RAB38: variants seen among roughly 807,000 people sequenced by gnomAD.
RAB38 encodes RAB38, member RAS oncogene family.
A neutral mutation model predicts 18.4 loss-of-function variants in RAB38; 15 were observed. That is an observed-to-expected ratio of 0.82 (90% confidence interval 0.55 to 1.26). The LOEUF (loss-of-function observed/expected upper bound fraction) is 1.26, where lower values mean the gene tolerates loss of function less well. Ranked by LOEUF, RAB38 falls within the 50% of genes most tolerant of loss-of-function variation. The probability of loss-of-function intolerance (pLI) is 0.00; values close to 1 mark genes in which losing one functional copy is unlikely to be tolerated. For synonymous variants in RAB38, 101 were observed against 104.4 expected (o/e 0.97, Z 0.20); for missense variants, 294 against 267.4 (o/e 1.10, Z -0.69).
chr11:87,908,553 G>A, the RAB38 span, among the ~76,000 whole-genome samples: 1 of 151,984 alleles, frequency 6.6e-6, no homozygotes, highest in African/African-American at 2.4e-5. Flanking sequence ...ATTAATCACA[G>A]TCTAATTTTT....
downstream of RAB38, among the ~76,000 whole-genome samples, chr11:88,110,383 G>C (rs1198761551): frequency 2.0e-5 from 3 of 152,004 alleles, no homozygotes; most frequent in African/African-American, 7.3e-5. Context: ...AGGGTGGGGG[G>C]CCAGGGAAGG....
the RAB38 span, among the ~76,000 whole-genome samples, chr11:88,056,443 T>C: frequency 6.6e-6 from 1 of 152,228 alleles, no homozygotes; most frequent in Non-Finnish European, 1.5e-5. Flanking sequence ...CAGGGAAGTC[T>C]TCGGGAACTA....
chr11:87,856,298 A>T, the RAB38 span, among the ~76,000 whole-genome samples: 1 of 152,066 alleles, frequency 6.6e-6, no homozygotes, highest in Non-Finnish European at 1.5e-5. Flanking sequence ...TACTCTCTTC[A>T]TACACTCTTA....
chr11:88,051,287 G>T, the RAB38 span, among the ~76,000 whole-genome samples: 1 of 152,010 alleles, frequency 6.6e-6, no homozygotes, highest in Non-Finnish European at 1.5e-5. Context: ...AGGATAAAAA[G>T]TAGCTGAGAA....
At chr11:87,908,568 A>G in the RAB38 span, among the ~76,000 whole-genome samples, 2 of 152,010 alleles carry the variant, frequency 1.3e-5, no homozygotes, top group African/African-American at 4.8e-5. Context: ...ATTTTTCCCA[A>G]GTGGTAGAAC....
the RAB38 span, among the ~76,000 whole-genome samples, chr11:88,029,179 T>C: frequency 6.6e-6 from 1 of 152,034 alleles, no homozygotes; most frequent in East Asian, 1.9e-4. Flanking sequence ...AAGCAAATGC[T>C]GAGAGATTTT....
chr11:88,155,291 G>A (rs917487851), intron 1 of RAB38, among the ~76,000 whole-genome samples: 2 of 152,200 alleles, frequency 1.3e-5, no homozygotes, highest in African/African-American at 4.8e-5. Flanking sequence ...AGGCAACAGA[G>A]AGCTTCCGCC....
chr11:88,121,292 G>T (rs1942625259), intron 2 of RAB38, among the ~76,000 whole-genome samples: 1 of 152,160 alleles, frequency 6.6e-6, no homozygotes, highest in Non-Finnish European at 1.5e-5. Context: ...TATCTAAACA[G>T]TAATATTACC....
chr11:87,939,476 G>A, the RAB38 span, among the ~76,000 whole-genome samples: 1 of 151,904 alleles, frequency 6.6e-6, no homozygotes, highest in Admixed American at 6.6e-5. Flanking sequence ...AAGACTGTTT[G>A]ATATTTTTCA....
At chr11:88,025,335 T>A in the RAB38 span, among the ~76,000 whole-genome samples, 1 of 151,888 alleles carries the variant, frequency 6.6e-6, no homozygotes, top group Non-Finnish European at 1.5e-5. Flanking sequence ...AGTACAGCGA[T>A]GAACACATGA....
chr11:87,810,674 G>A, the RAB38 span, among the ~76,000 whole-genome samples: 2 of 152,070 alleles, frequency 1.3e-5, no homozygotes, highest in Admixed American at 1.3e-4. Context: ...TTCCACTGTG[G>A]TAGGGGCAAA....
the RAB38 span, among the ~76,000 whole-genome samples, chr11:87,839,913 T>A: frequency 6.6e-6 from 1 of 152,142 alleles, no homozygotes; most frequent in Non-Finnish European, 1.5e-5. Context: ...TATCAGTAGG[T>A]TTCTCTCAGG....
the RAB38 span, among the ~76,000 whole-genome samples, chr11:88,046,295 A>T: frequency 1.3e-5 from 2 of 152,210 alleles, no homozygotes; most frequent in African/African-American, 4.8e-5. Flanking sequence ...TCCTAAAACC[A>T]GACAAGCCTT....
chr11:87,878,255 T>TC, the RAB38 span, among the ~76,000 whole-genome samples: 2,126 of 36,686 alleles, frequency 0.058, 183 homozygotes, highest in East Asian at 0.18. Context: ...ACCTATCATC[T>TC]ATCTATCTAT....
the RAB38 span, among the ~76,000 whole-genome samples, chr11:87,878,204 CATAT>C: frequency 4.1e-5 from 4 of 98,220 alleles, 1 homozygote; most frequent in East Asian, 5.0e-4. Context: ...ATGTGCTAAA[CATAT>C]ATATATATAT....
the RAB38 span, among the ~76,000 whole-genome samples, chr11:88,094,315 T>A: frequency 6.6e-6 from 1 of 151,922 alleles, no homozygotes; most frequent in Non-Finnish European, 1.5e-5. Context: ...AGTCCATCTG[T>A]GTTTTCTTTG....
At chr11:87,875,772 T>G in the RAB38 span, among the ~76,000 whole-genome samples, 2 of 151,602 alleles carry the variant, frequency 1.3e-5, no homozygotes, top group African/African-American at 4.8e-5. Flanking sequence ...AAAATTTTTG[T>G]TGTTGGCTAT....
At chr11:88,135,582 T>C (rs1284277265) in intron 2 of RAB38, among the ~76,000 whole-genome samples, 1 of 152,234 alleles carries the variant, frequency 6.6e-6, no homozygotes, top group Non-Finnish European at 1.5e-5. Context: ...ACTACTGTGG[T>C]AATGCTAGAT....
chr11:88,089,128 C>T, the RAB38 span, among the ~76,000 whole-genome samples: 1 of 151,948 alleles, frequency 6.6e-6, no homozygotes, highest in African/African-American at 2.4e-5. Context: ...TAAATACCTT[C>T]CTTCTCATGT....
Sources: allele counts gnomAD v4.1 joint callset (sites outside exome capture counted in the v4.1 genomes callset), GRCh38; gene constraint gnomAD v4.1.1; transcripts MANE v1.5; gene names NCBI Gene and HGNC (gene_info 2026-07-23, HGNC 2026-07-21).